Variants in SCN3A observed in about 807,000 individuals in gnomAD.
SCN3A encodes the protein sodium channel protein type 3 subunit alpha.
In SCN3A, 60 loss-of-function variants were observed where a neutral mutation model predicts 187.6. That is an observed-to-expected ratio of 0.32 (90% CI 0.26 to 0.40). The LOEUF (loss-of-function observed/expected upper bound fraction) is 0.40, where lower values mean the gene tolerates loss of function less well. Ranked by LOEUF, SCN3A falls within the 10% of genes least tolerant of loss-of-function variation. SCN3A has a pLI of 1.00. For missense variants in SCN3A, 1,601 were observed against 2,428.2 expected (o/e 0.66, Z 7.16); for synonymous variants, 788 against 829.2 (o/e 0.95, Z 0.85).
Position 165,176,145 on chromosome 2 carries a change from A to G in SCN3A, c.250T>C (p.Tyr84His), listed in dbSNP as rs1690440803. 1 of 1,613,512 alleles carries G rather than the reference A, an allele frequency of 6.2e-7. No homozygotes were observed. Among genetic ancestry groups the G allele is most frequent in the Admixed American group, 1.7e-5 (1 of 59,996 alleles). Reference protein sequence around the residue: ...SEPLEDLDPYYINKKTFIVMN... With the variant: ...SEPLEDLDPYHINKKTFIVMN... ...TCAATACTCACTTTCTTATTGATAT[A>G]GTAGGGATCCAGGTCCTCCAGGGGC... The change falls in exon 3 of 28, where the codon TAT (tyrosine) becomes CAT (histidine). Residue 84 changes from tyrosine to histidine, a missense_variant. Physicochemically the swap from Tyr to His is moderately conservative, Grantham distance 83. This residue lies in a region of SCN3A where 122 missense variants were observed against 225.1 expected (regional missense o/e 0.54). Transcript: ENST00000283254.
intron 19 of SCN3A, 93 bp downstream of exon 19, chr2:165,115,362 T>G: frequency 6.4e-7 from 1 of 1,554,474 alleles, no homozygotes; most frequent in Non-Finnish European, 8.8e-7. Flanking sequence ...CCACCACACC[T>G]CGTTTCATAA....
chr2:165,115,090 A>G (rs11887613), intron 19 of SCN3A, among the ~76,000 whole-genome samples: 1,679 of 152,168 alleles, frequency 0.011, 25 homozygotes, highest in African/African-American at 0.032. Flanking sequence ...GTCTTGCTCT[A>G]TTGCCCAGGC....
chr2:165,143,719 G>C (rs1427799413), intron 12 of SCN3A, among the ~76,000 whole-genome samples: 5 of 152,100 alleles, frequency 3.3e-5, no homozygotes, highest in Non-Finnish European at 7.4e-5. Context: ...TATTTCCCAG[G>C]TATCTTTTTC....
chr2:165,163,771 G>A, intron 6 of SCN3A, 62 bp from the exon 7 acceptor site: 1 of 1,612,360 alleles, frequency 6.2e-7, no homozygotes, highest in South Asian at 1.1e-5. Context: ...AGATATAAGG[G>A]GCCTACTACC....
At chr2:165,176,796 CA>C (rs1443934323) in intron 2 of SCN3A, among the ~76,000 whole-genome samples, 2 of 151,958 alleles carry the variant, frequency 1.3e-5, no homozygotes, top group Non-Finnish European at 2.9e-5. Flanking sequence ...CACTGTAAGC[CA>C]AAATATAGTA....
chr2:165,154,383 A>G, intron 11 of SCN3A, 69 bp downstream of exon 11: 1 of 1,514,970 alleles, frequency 6.6e-7, no homozygotes, highest in Non-Finnish European at 9.1e-7. Flanking sequence ...TACCCTCTAT[A>G]GTATAACACT....
intron 3 of SCN3A, among the ~76,000 whole-genome samples, chr2:165,171,583 T>A (rs1172118947): frequency 3.3e-5 from 5 of 152,070 alleles, no homozygotes; most frequent in Non-Finnish European, 7.4e-5. Context: ...GATTCCAATA[T>A]GCAATCAAGG....
Position 165,193,201 on chromosome 2 carries a change from G to A in SCN3A, c.-247-6454C>T, listed in dbSNP as rs184364315. 1.3e-3 allele frequency among the ~76,000 whole-genome samples: 198 copies of A among 152,176 alleles called. 1 individual carries two copies. Among genetic ancestry groups the A allele is most frequent in the African/African-American group, 4.6e-3 (193 of 41,528 alleles). Reference sequence around the variant, plus strand: ...ACCCATGAACAAATGCATGAATTAAGCAAGAGGCGAATCCCTTATTCTGAG... The same window carrying A: ...ACCCATGAACAAATGCATGAATTAAACAAGAGGCGAATCCCTTATTCTGAG... On this transcript the variant is annotated intron_variant, in intron 1 of 27. Transcript: ENST00000283254.
intron 14 of SCN3A, 107 bp from the exon 15 acceptor site, chr2:165,138,224 A>G (rs1687787551): frequency 1.2e-6 from 1 of 806,790 alleles, no homozygotes; most frequent in East Asian, 2.6e-5. Flanking sequence ...ATTTGAAAAT[A>G]GAAGTTCATA....
At chr2:165,196,377 C>G (rs910090717) in intron 1 of SCN3A, among the ~76,000 whole-genome samples, 1 of 152,084 alleles carries the variant, frequency 6.6e-6, no homozygotes, top group Non-Finnish European at 1.5e-5. Flanking sequence ...TGAGATTTAA[C>G]AGATATTTTC....
chr2:165,091,960 C>T, intron 27 of SCN3A: 1 of 455,428 alleles, frequency 2.2e-6, no homozygotes, highest in Non-Finnish European at 4.0e-6. Flanking sequence ...TTTTTTAAGC[C>T]ATCTGCCTCT....
At chr2:165,144,433 A>G (rs1406267547) in intron 12 of SCN3A, among the ~76,000 whole-genome samples, 1 of 152,182 alleles carries the variant, frequency 6.6e-6, no homozygotes, top group African/African-American at 2.4e-5. Context: ...GCCATCAGCT[A>G]AGCTCTCTGC....
At chr2:165,178,212 T>A (rs1328011319) in intron 2 of SCN3A, among the ~76,000 whole-genome samples, 4 of 152,056 alleles carry the variant, frequency 2.6e-5, no homozygotes, top group African/African-American at 9.7e-5. Context: ...TTCTATAACA[T>A]TACTTATTAT....
intron 15 of SCN3A, 147 bp from the exon 16 acceptor site, chr2:165,131,564 TA>T: frequency 7.2e-6 from 3 of 418,948 alleles, no homozygotes. Flanking sequence ...TTAGTTTTTT[TA>T]TTTTCATTTT....
intron 9 of SCN3A, 151 bp from the exon 10 acceptor site, chr2:165,156,054 G>A (rs748571304): frequency 1.3e-4 from 113 of 855,406 alleles, no homozygotes; most frequent in East Asian, 3.1e-4. Flanking sequence ...ATTGCCCACC[G>A]TGAAACTTAT....
At chr2:165,115,143 C>T (rs984029834) in intron 19 of SCN3A, among the ~76,000 whole-genome samples, 1 of 152,074 alleles carries the variant, frequency 6.6e-6, no homozygotes, top group African/African-American at 2.4e-5. Context: ...AGCCTCGACT[C>T]CCTGCAAAAG....
In SCN3A at chr2:165,129,961, G is replaced by A; in HGVS notation, c.2901C>T (p.Val967=). Residue 967 remains valine, a synonymous_variant, in exon 17 of 28, where the codon GTC becomes GTT. Transcript: ENST00000283254. ...QTMCLIVFML[V]MVIGNLVVLN... ...ATACCACAAGGTTTCCAATGACCAT[G>A]ACCAACATGAAAACAATAAGGCACA... is the stretch of plus-strand genomic sequence containing the variant. 6.2e-7 allele frequency: 1 copy of A among 1,614,016 alleles called. No homozygotes were observed. Among genetic ancestry groups the A allele is most frequent in the African/African-American group, 1.3e-5 (1 of 74,994 alleles).
chr2:165,088,329 C>A lies in SCN3A; in HGVS notation c.*1821G>T, dbSNP rs890124173. The A allele has an allele frequency of 6.6e-6, 1 of 152,294 alleles. No homozygotes were observed. Among genetic ancestry groups the A allele is most frequent in the Non-Finnish European group, 1.5e-5 (1 of 67,920 alleles). The allele number at this position is 152,294 out of a possible 1,614,324, so 9.4% of individuals were successfully genotyped here. A position where few individuals can be genotyped will look rare whatever the true frequency, so the allele number is the denominator to read the frequency against. ...TATATCATGTTAGGTAATTGCACAA[C>A]TTTGCCACTTTGTTCATGGCTAAAA... On this transcript the variant is annotated 3_prime_UTR_variant, in exon 28 of 28. Coordinates refer to ENST00000283254, the MANE Select transcript of SCN3A (RefSeq NM_006922.4).
chr2:165,092,358 AGAACAAT>A lies in SCN3A; in HGVS notation c.4696_4702del (p.Ile1566CysfsTer8). The A allele has an allele frequency of 6.2e-7, 1 of 1,614,008 alleles. No individual in the cohort carries two copies. The highest frequency in any genetic ancestry group is 1.1e-5 in the South Asian group (1 of 91,076). On this transcript the variant is annotated frameshift_variant, in exon 27 of 28. Transcript: ENST00000283254. LOFTEE classifies it high-confidence loss of function. The surrounding 1 kb of genome is among the most constrained non-coding windows in gnomAD (Gnocchi z 4.2). The stretch of plus-strand genomic sequence containing the variant: ...CTTCAGCACAAATTCTCCAGTGAAC[AGAACAAT>A]GAACACTAGGTTGATCCGGGACAAA...
Sources: allele counts gnomAD v4.1 joint callset (sites outside exome capture counted in the v4.1 genomes callset), GRCh38; gene constraint gnomAD v4.1.1; regional missense constraint gnomAD v4.1.1; non-coding constraint Gnocchi (gnomAD v3.1); transcripts MANE v1.5; gene names NCBI Gene and HGNC (gene_info 2026-07-23, HGNC 2026-07-21).